The following NCALD variants were observed in gnomAD, a reference collection of about 807,000 sequenced individuals.
NCALD encodes neurocalcin-delta.
Under a neutral mutation model 18.6 loss-of-function variants are expected in NCALD, and 10 were observed. The observed-to-expected ratio is 0.54, with a 90% CI of 0.33 to 0.91. The LOEUF is 0.91. Ranked by LOEUF, NCALD falls within the 40% of genes least tolerant of loss-of-function variation. NCALD has a pLI of 0.03. For missense variants in NCALD, 184 were observed against 247.6 expected (o/e 0.74, Z 1.72); for synonymous variants, 88 against 87.4 (o/e 1.01, Z -0.04).
At chr8:101,806,645 G>A (rs927782556) in intron 4 of NCALD, among the ~76,000 whole-genome samples, 3 of 152,034 alleles carry the variant, frequency 2.0e-5, no homozygotes, top group African/African-American at 7.2e-5. Context: ...AAAATAGTTT[G>A]GTAGAGAACA....
chr8:102,051,726 C>T (rs370319448), intron 1 of NCALD, among the ~76,000 whole-genome samples: 2 of 152,296 alleles, frequency 1.3e-5, no homozygotes, highest in South Asian at 2.1e-4. Context: ...GGGCAATAGC[C>T]TTGAACCCTT....
rs146716637 is a variant in NCALD at position 102,004,984 on chromosome 8, T to C, written c.-157+15253A>G. 6.0e-3 allele frequency among the ~76,000 whole-genome samples: 917 copies of C among 152,274 alleles called. 9 individuals are homozygous for C. The highest frequency in any genetic ancestry group is 0.018 in the African/African-American group (736 of 41,544). On this transcript the variant is annotated intron_variant, in intron 2 of 6. Coordinates refer to the NCALD transcript ENST00000311028. ...CATAGTCGTGGGCAAGGACTTCATG[T>C]CTAAAACACCAAAAGCAATGGCAGC...
chr8:101,733,559 T>C lies in NCALD; in HGVS notation c.-19-13911A>G, dbSNP rs577150893. On this transcript the variant is annotated intron_variant, in intron 1 of 3. Transcript: ENST00000220931. ...AGCATCATGGCCGGCATCTAGCAGGTGCTCGCTAAACATGGACTATTCATC... is the reference window on the plus strand; with the variant it reads ...AGCATCATGGCCGGCATCTAGCAGGCGCTCGCTAAACATGGACTATTCATC... Among the ~76,000 whole-genome samples the C allele has an allele frequency of 1.1e-4, 17 of 152,266 alleles. No individual in the cohort carries two copies. In the South Asian group the frequency reaches 3.3e-3, roughly 30 times the overall value.
chr8:101,698,059 C>CT (rs1368393369), intron 2 of NCALD, among the ~76,000 whole-genome samples: 1 of 152,172 alleles, frequency 6.6e-6, no homozygotes, highest in Non-Finnish European at 1.5e-5. Flanking sequence ...CCCAAAACTC[C>CT]TTAAGCTGAT....
intron 1 of NCALD, among the ~76,000 whole-genome samples, chr8:102,119,333 T>C (rs1825878969): frequency 6.6e-6 from 1 of 152,108 alleles, no homozygotes; most frequent in South Asian, 2.1e-4. Context: ...AAAAGACAAA[T>C]ACCTTTTATA....
chr8:101,754,236 GC>G (rs1810779107), intron 1 of NCALD, among the ~76,000 whole-genome samples: 1 of 152,074 alleles, frequency 6.6e-6, no homozygotes, highest in African/African-American at 2.4e-5. Flanking sequence ...CATTTCTTGG[GC>G]TTTTTCTGTA....
intron 2 of NCALD, among the ~76,000 whole-genome samples, chr8:101,988,334 A>G (rs1820907565): frequency 6.6e-6 from 1 of 152,192 alleles, no homozygotes; most frequent in African/African-American, 2.4e-5. Context: ...GCGTGCATGT[A>G]TGTGTGTGTA....
chr8:101,740,864 C>T (rs1215712078), intron 1 of NCALD, among the ~76,000 whole-genome samples: 2 of 152,172 alleles, frequency 1.3e-5, no homozygotes, highest in East Asian at 1.9e-4. Flanking sequence ...CCCTTCCCAG[C>T]AGGAACCACC....
chr8:101,802,832 C>T (rs1403105479), intron 4 of NCALD, among the ~76,000 whole-genome samples: 1 of 147,582 alleles, frequency 6.8e-6, no homozygotes, highest in Non-Finnish European at 1.5e-5. Context: ...GGGCAACCCG[C>T]TCGGGTCCCC....
At chr8:101,864,588 CCTTT>C (rs1211567045) in intron 4 of NCALD, among the ~76,000 whole-genome samples, 2 of 144,142 alleles carry the variant, frequency 1.4e-5, no homozygotes, top group African/African-American at 2.6e-5. Context: ...AATTTTCTTT[CCTTT>C]CTTTTTTTTT....
intron 2 of NCALD, among the ~76,000 whole-genome samples, chr8:102,002,905 AG>A (rs1401595131): frequency 6.6e-6 from 1 of 152,176 alleles, no homozygotes; most frequent in Admixed American, 6.5e-5. Flanking sequence ...TAGAGCACTA[AG>A]GGCCCACAAG....
At chr8:101,837,320 G>A (rs1268837923) in intron 4 of NCALD, among the ~76,000 whole-genome samples, 1 of 152,098 alleles carries the variant, frequency 6.6e-6, no homozygotes, top group African/African-American at 2.4e-5. Context: ...AGTGTCTAGT[G>A]CGGTTTTCTA....
intron 1 of NCALD, among the ~76,000 whole-genome samples, chr8:101,769,907 C>T: frequency 6.6e-6 from 1 of 152,090 alleles, no homozygotes; most frequent in Non-Finnish European, 1.5e-5. Flanking sequence ...TGCTGGCCAG[C>T]CTAACTGAAG....
intron 1 of NCALD, among the ~76,000 whole-genome samples, chr8:102,056,387 G>T (rs568075148): frequency 6.6e-6 from 1 of 152,186 alleles, no homozygotes; most frequent in Non-Finnish European, 1.5e-5. Context: ...CCAGCTTTGG[G>T]ATCTGCAAAA....
chr8:102,025,581 G>T (rs546797871), intron 1 of NCALD, among the ~76,000 whole-genome samples: 2 of 152,312 alleles, frequency 1.3e-5, no homozygotes, highest in Admixed American at 1.3e-4. Flanking sequence ...AGGTAGAAAA[G>T]TCCACTGCCT....
rs139275576 is a variant in NCALD at position 101,748,999 on chromosome 8, C to T, written c.-19-29351G>A. On this transcript the variant is annotated intron_variant, in intron 1 of 3. Coordinates refer to ENST00000220931, the MANE Select transcript of NCALD (RefSeq NM_032041.3). Reference sequence around the variant, plus strand: ...TCTTACCCTGGAGCATGTGTGCATGCGCGGTATGTGTGTGTGTTTTCCATA... The same window carrying T: ...TCTTACCCTGGAGCATGTGTGCATGTGCGGTATGTGTGTGTGTTTTCCATA... 4.5e-3 allele frequency among the ~76,000 whole-genome samples: 688 copies of T among 152,226 alleles called. 9 individuals carry two copies. Among genetic ancestry groups the T allele is most frequent in the African/African-American group, 0.015 (603 of 41,530 alleles).
intron 1 of NCALD, among the ~76,000 whole-genome samples, chr8:101,773,854 A>G (rs1314503450): frequency 6.6e-6 from 1 of 151,792 alleles, no homozygotes; most frequent in Non-Finnish European, 1.5e-5. Context: ...TTTAAGAATC[A>G]TGGACACGAC....
chr8:101,894,391 A>C, intron 3 of NCALD, among the ~76,000 whole-genome samples: 1 of 132,634 alleles, frequency 7.5e-6, no homozygotes, highest in East Asian at 2.0e-4. Context: ...ATAGCACTAA[A>C]TGCCCACAAG....
At chr8:101,820,987 AAG>A (rs1294313792) in intron 4 of NCALD, among the ~76,000 whole-genome samples, 1 of 152,192 alleles carries the variant, frequency 6.6e-6, no homozygotes, top group Non-Finnish European at 1.5e-5. Flanking sequence ...TCAAAACATG[AAG>A]TTCCAAAGAA....
Sources: gnomAD v4.1 joint callset for allele counts (sites outside exome capture counted in the v4.1 genomes callset) on GRCh38, gnomAD v4.1.1 for gene constraint, MANE v1.5 for transcripts, NCBI Gene and HGNC (gene_info 2026-07-23, HGNC 2026-07-21) for gene names.